RBMS3: variants seen among roughly 807,000 people sequenced by gnomAD.
RBMS3 encodes RNA binding motif single stranded interacting protein 3.
Under a neutral mutation model 66.8 loss-of-function variants are expected in RBMS3, and 27 were observed. That is an observed-to-expected ratio of 0.40 (90% confidence interval 0.30 to 0.56). The LOEUF (loss-of-function observed/expected upper bound fraction) is 0.56, where lower values mean the gene tolerates loss of function less well. RBMS3 is among the 20% of genes least tolerant of loss of function. RBMS3 has a pLI of 0.40. For missense variants in RBMS3, 513 were observed against 549.5 expected, an observed-to-expected ratio of 0.93 and a Z score of 0.66; for synonymous variants, 188 against 183.0, an observed-to-expected ratio of 1.03 and a Z score of -0.22.
intron 5 of RBMS3, among the ~76,000 whole-genome samples, chr3:29,747,556 A>G (rs1305157734): frequency 6.6e-6 from 1 of 152,208 alleles, no homozygotes. Flanking sequence ...ATCTGCTTTT[A>G]CAGACCAACA....
At chr3:29,880,785 A>C (rs1200317450) in intron 7 of RBMS3, 1 of 1,536,046 alleles carries the variant, frequency 6.5e-7, no homozygotes, top group Non-Finnish European at 8.7e-7. Flanking sequence ...AAAGGTACTC[A>C]GAGGCAGGAC....
At chr3:29,890,035 C>T (rs1428996189) in intron 8 of RBMS3, among the ~76,000 whole-genome samples, 1 of 151,472 alleles carries the variant, frequency 6.6e-6, no homozygotes, top group Non-Finnish European at 1.5e-5. Flanking sequence ...GTGTTGTTGG[C>T]AACAAGGAGA....
At chr3:29,338,238 A>G (rs1230256578) in intron 1 of RBMS3, among the ~76,000 whole-genome samples, 1 of 152,168 alleles carries the variant, frequency 6.6e-6, no homozygotes, top group Non-Finnish European at 1.5e-5. Context: ...ATAAAGTATC[A>G]ATTCTAGCAT....
chr3:29,843,126 T>C (rs2058700828), intron 6 of RBMS3, among the ~76,000 whole-genome samples: 1 of 152,264 alleles, frequency 6.6e-6, no homozygotes. Flanking sequence ...AATTGGATGA[T>C]ACATTTAAGT....
At chr3:29,759,804 G>A (rs1221996248) in intron 5 of RBMS3, among the ~76,000 whole-genome samples, 1 of 152,006 alleles carries the variant, frequency 6.6e-6, no homozygotes, top group East Asian at 1.9e-4. Context: ...CCCCTTGGCA[G>A]CTCCTATATT....
chr3:29,908,571 T>G (rs888538736), intron 10 of RBMS3, among the ~76,000 whole-genome samples: 10 of 152,090 alleles, frequency 6.6e-5, no homozygotes, highest in African/African-American at 1.9e-4. Context: ...TATAGAGTTT[T>G]TAATGCCCTT....
rs531537401 is a variant in RBMS3 at position 29,658,886 on chromosome 3, G to A, written c.399+71681G>A. ...CAGCCAGGCTGAAATGCAGTGGCAC[G>A]ATCTCGGCTCACTGCAACCTCCGCC... On this transcript the variant is annotated intron_variant, in intron 4 of 14. Coordinates refer to ENST00000383767, the MANE Select transcript of RBMS3 (RefSeq NM_001003793.3). 3.6e-4 allele frequency among the ~76,000 whole-genome samples: 55 copies of A among 152,286 alleles called. No individual in the cohort carries two copies. In the East Asian group the frequency reaches 7.5e-3, roughly 21 times the overall value.
At chr3:29,726,903 G>A (rs1361291604) in intron 4 of RBMS3, among the ~76,000 whole-genome samples, 1 of 152,124 alleles carries the variant, frequency 6.6e-6, no homozygotes, top group Non-Finnish European at 1.5e-5. Context: ...AGCTTGTATA[G>A]CCAAGACAAT....
intron 14 of RBMS3, among the ~76,000 whole-genome samples, chr3:30,002,422 A>G (rs1699652784): frequency 6.6e-6 from 1 of 151,796 alleles, no homozygotes; most frequent in South Asian, 2.1e-4. Flanking sequence ...CAACTATATA[A>G]CCAAGAAAAA....
intron 6 of RBMS3, among the ~76,000 whole-genome samples, chr3:29,865,774 C>T (rs2059345226): frequency 6.6e-6 from 1 of 152,054 alleles, no homozygotes; most frequent in Non-Finnish European, 1.5e-5. Flanking sequence ...AATCTGGACA[C>T]AAAAGTTCTT....
At chr3:29,808,262 G>T (rs2057620573) in intron 6 of RBMS3, among the ~76,000 whole-genome samples, 1 of 151,842 alleles carries the variant, frequency 6.6e-6, no homozygotes, top group South Asian at 2.1e-4. Flanking sequence ...AACTTCTACA[G>T]CCTTTCTCCT....
chr3:29,670,189 C>A (rs145943309), intron 4 of RBMS3, among the ~76,000 whole-genome samples: 9 of 152,186 alleles, frequency 5.9e-5, no homozygotes, highest in African/African-American at 1.9e-4. Flanking sequence ...GGCGTTCTCC[C>A]AAAATTCATG....
At chr3:29,493,379 T>G (rs1322101600) in intron 3 of RBMS3, among the ~76,000 whole-genome samples, 4 of 152,172 alleles carry the variant, frequency 2.6e-5, no homozygotes, top group African/African-American at 9.7e-5. Flanking sequence ...CTGTGGTAAA[T>G]TAGTCAACTG....
intron 4 of RBMS3, among the ~76,000 whole-genome samples, chr3:29,643,149 T>C (rs1423550687): frequency 1.3e-5 from 2 of 150,888 alleles, no homozygotes; most frequent in Non-Finnish European, 2.9e-5. Context: ...AGTCTCTGTT[T>C]GTTATTTTGG....
chr3:29,913,284 TACTC>T (rs903311208), intron 10 of RBMS3, among the ~76,000 whole-genome samples: 1 of 151,966 alleles, frequency 6.6e-6, no homozygotes, highest in African/African-American at 2.4e-5. Flanking sequence ...TTACAATAAT[TACTC>T]AATATGTTCA....
chr3:29,296,080 C>T (rs1459261857), intron 1 of RBMS3, among the ~76,000 whole-genome samples: 1 of 151,772 alleles, frequency 6.6e-6, no homozygotes, highest in Non-Finnish European at 1.5e-5. Flanking sequence ...TTGGCAGAAA[C>T]AGGAATATCT....
At chr3:29,842,481 G>A (rs539351266) in intron 6 of RBMS3, among the ~76,000 whole-genome samples, 123 of 152,152 alleles carry the variant, frequency 8.1e-4, no homozygotes, top group African/African-American at 2.8e-3. Flanking sequence ...CTCAATAAAC[G>A]TTTATTGAAT....
chr3:29,542,399 C>T lies in RBMS3; in HGVS notation c.308-44715C>T, dbSNP rs963332419. Among the ~76,000 whole-genome samples the T allele has an allele frequency of 5.3e-5, 8 of 152,234 alleles. No homozygotes were observed. The East Asian group carries it at 1.2e-3, about 22-fold the overall frequency. On this transcript the variant is annotated intron_variant, in intron 3 of 14. Coordinates refer to ENST00000383767, the MANE Select transcript of RBMS3 (RefSeq NM_001003793.3). ...TGTTTGAGAAAGAGTCTCACCCAGT[C>T]GCCTAGGCTGGAGTACAATGGTGCA...
intron 1 of RBMS3, among the ~76,000 whole-genome samples, chr3:29,355,171 G>A (rs2037143001): frequency 6.6e-6 from 1 of 152,044 alleles, no homozygotes; most frequent in Non-Finnish European, 1.5e-5. Flanking sequence ...TGAATAAGGG[G>A]CCATGTCAAT....
Sources: allele counts gnomAD v4.1 joint callset (sites outside exome capture counted in the v4.1 genomes callset), GRCh38; gene constraint gnomAD v4.1.1; transcripts MANE v1.5; gene names NCBI Gene and HGNC (gene_info 2026-07-23, HGNC 2026-07-21).